NEB: variants seen among roughly 807,000 people sequenced by gnomAD.
NEB encodes nebulin, also known as nemaline myopathy type 2.
A neutral mutation model predicts 952.2 loss-of-function variants in NEB; 512 were observed. The ratio of observed to expected loss-of-function variants is 0.54; its 90% CI spans 0.50 to 0.58. The LOEUF is 0.58. Ranked by LOEUF, NEB falls within the 20% of genes least tolerant of loss-of-function variation. NEB has a pLI of 0.00. For synonymous variants in NEB, 2,900 were observed against 3,149.8 expected (o/e 0.92, Z 2.66); for missense variants, 8,428 against 9,231.1 (o/e 0.91, Z 3.56).
Position 151,494,265 on chromosome 2 carries a change from C to A in NEB, c.24487-12G>T, listed in dbSNP as rs534797175. Reference sequence around the variant, plus strand: ...TCTTTGTACAAAACCTATGGGAATCCAATGGGTCCAAAAAGCCAAAAAGAA... The same window carrying A: ...TCTTTGTACAAAACCTATGGGAATCAAATGGGTCCAAAAAGCCAAAAAGAA... On this transcript the variant is annotated splice_polypyrimidine_tract_variant and intron_variant, in intron 173 of 181. Transcript: ENST00000397345. The A allele has an allele frequency of 1.2e-4, 180 of 1,557,752 alleles. 1 individual carries two copies. The South Asian group carries it at 2.0e-3, about 17-fold the overall frequency.
At chr2:151,694,135 C>A (rs1229669292) in intron 20 of NEB, among the ~76,000 whole-genome samples, 188 bp downstream of exon 20, 1 of 152,186 alleles carries the variant, frequency 6.6e-6, no homozygotes, top group African/African-American at 2.4e-5. Flanking sequence ...TTGCAGTATT[C>A]ACTGGCATCA....
At chr2:151,567,936 C>T (rs757727157) in intron 113 of NEB, 135 bp downstream of exon 113, 19 of 640,702 alleles carry the variant, frequency 3.0e-5, no homozygotes, top group Non-Finnish European at 4.6e-5. Context: ...GTACTCCAAC[C>T]ATCACCAAGC....
rs2094866760 is a variant in NEB at position 151,547,549 on chromosome 2, T to C, written c.20263-16A>G. The C allele has an allele frequency of 5.0e-6, 8 of 1,589,714 alleles. No homozygotes were observed. Among genetic ancestry groups the C allele is most frequent in the African/African-American group, 2.7e-5 (2 of 74,366 alleles). On this transcript the variant is annotated splice_polypyrimidine_tract_variant and intron_variant, in intron 132 of 181. Transcript: ENST00000397345. ...TGTAGATCAACTAAAGAAAAAAAAATACCCCAAAACATATGTATTAGAGAC... is the reference window on the plus strand; with the variant it reads ...TGTAGATCAACTAAAGAAAAAAAAACACCCCAAAACATATGTATTAGAGAC...
chr2:151,567,452 G>C lies in NEB; in HGVS notation c.17872C>G (p.Gln5958Glu). 1 of 1,612,192 alleles carries C rather than the reference G, an allele frequency of 6.2e-7. No individual in the cohort carries two copies. Among genetic ancestry groups the C allele is most frequent in the Non-Finnish European group, 8.5e-7 (1 of 1,179,002 alleles). ...ELKYKAEHVK[Q>E]KGHYVGVPTM... is the part of the protein sequence containing the mutation. ...GGGACACCAACATAATGACCTTTTT[G>C]CTTCACATGTTCAGCTTTGTATTTC... Residue 5958 changes from glutamine to glutamate, a missense_variant, in exon 114 of 182, where the codon CAA becomes GAA. Transcript: ENST00000397345.
intron 143 of NEB, among the ~76,000 whole-genome samples, chr2:151,532,730 A>G (rs1207698058): frequency 7.9e-6 from 1 of 126,602 alleles, no homozygotes; most frequent in Non-Finnish European, 1.7e-5. Flanking sequence ...AGTTGCTAAG[A>G]GGAAAGCTCA....
chr2:151,487,038 C>T (rs1400905656), intron 181 of NEB, among the ~76,000 whole-genome samples: 4 of 151,684 alleles, frequency 2.6e-5, no homozygotes, highest in Non-Finnish European at 5.9e-5. Flanking sequence ...GTTATGTATG[C>T]ATGAAATTGT....
At chr2:151,702,324 G>GA (rs1159153457) in intron 13 of NEB, among the ~76,000 whole-genome samples, 1,939 of 152,148 alleles carry the variant, frequency 0.013, 45 homozygotes, top group African/African-American at 0.044. Context: ...GTGTGGTGCT[G>GA]AAAAAAATGT....
intron 71 of NEB, among the ~76,000 whole-genome samples, chr2:151,621,947 T>C (rs986061851): frequency 2.1e-4 from 32 of 152,202 alleles, no homozygotes; most frequent in African/African-American, 7.2e-4. Flanking sequence ...GTGGTTTGAT[T>C]ACAAAGTTTT....
chr2:151,688,529 C>T (rs2099520500), intron 24 of NEB, 133 bp from the exon 25 acceptor site: 6 of 693,612 alleles, frequency 8.7e-6, no homozygotes, highest in African/African-American at 1.8e-5. Context: ...GTCAAAGTCT[C>T]GCACAGGATT....
Position 151,690,747 on chromosome 2 carries a change from T to C in NEB, c.2290A>G (p.Asn764Asp). The C allele has an allele frequency of 6.3e-7, 1 of 1,592,548 alleles. No homozygotes were observed. The part of the protein sequence containing the change: ...DSPVLLQAQL[N>D]TKQLSDLNYK... ...CTTACATCACTAAGCTGTTTCGTGT[T>C]GAGCTGGGCTTGCAACAGTACAGGA... The change falls in exon 24 of 182, where the codon AAC becomes GAC. Residue 764 changes from asparagine (N) to aspartate (D), a missense_variant. Asn to Asp is a conservative substitution (Grantham distance 23, BLOSUM62 1). Coordinates refer to ENST00000397345, the MANE Select transcript of NEB (RefSeq NM_001164508.2).
chr2:151,573,857 GT>G (rs963969809), intron 107 of NEB, among the ~76,000 whole-genome samples: 9 of 150,054 alleles, frequency 6.0e-5, no homozygotes, highest in South Asian at 2.1e-4. Flanking sequence ...CTCACAAATA[GT>G]TTTTTTTTTC....
chr2:151,518,982 T>G lies in NEB; in HGVS notation c.22678A>C (p.Ser7560Arg). The G allele has an allele frequency of 6.2e-7, 1 of 1,612,934 alleles. No homozygotes were observed. Among genetic ancestry groups the G allele is most frequent in the Non-Finnish European group, 8.5e-7 (1 of 1,178,950 alleles). Residue 7560 changes from serine (S) to arginine (R), a missense_variant, in exon 155 of 182, where the codon AGC becomes CGC. This residue lies in a region of NEB where 3,374 missense variants were observed against 3,651.5 expected (regional missense o/e 0.92). Coordinates refer to ENST00000397345, the MANE Select transcript of NEB (RefSeq NM_001164508.2). ...GAGCTTACAGAACTGGCAAGTTGGC[T>G]TGTATTCAGGACATGATTCATGATC... Reference protein sequence around the residue: ...SLIMNHVLNTSQLASSYQYKK... With the variant: ...SLIMNHVLNTRQLASSYQYKK...
Position 151,497,670 on chromosome 2 carries a change from G to A in NEB, c.24256C>T (p.Pro8086Ser). The A allele has an allele frequency of 6.3e-7, 1 of 1,586,262 alleles. No individual in the cohort carries two copies. Among genetic ancestry groups the A allele is most frequent in the Non-Finnish European group, 8.6e-7 (1 of 1,164,048 alleles). The part of the protein sequence containing the change: ...MGKGTPLPVT[P>S]EMERVKHNQE... ...TTGTGTTTGACTCTTTCCATCTCGG[G>A]AGTGACAGGTAAAGGGGTTCCCTTG... Residue 8086 changes from proline to serine, a missense_variant, in exon 171 of 182, where the codon CCC becomes TCC. This residue lies in a region of NEB where 3,374 missense variants were observed against 3,651.5 expected (regional missense o/e 0.92). Coordinates refer to ENST00000397345, the MANE Select transcript of NEB (RefSeq NM_001164508.2).
intron 13 of NEB, among the ~76,000 whole-genome samples, chr2:151,702,461 T>C (rs2099677603): frequency 6.6e-6 from 1 of 152,120 alleles, no homozygotes; most frequent in African/African-American, 2.4e-5. Context: ...ATGTTGACAG[T>C]GGGGTGTTAA....
intron 146 of NEB, 76 bp from the exon 147 acceptor site, chr2:151,527,661 G>T: frequency 9.9e-7 from 1 of 1,009,150 alleles, no homozygotes; most frequent in Non-Finnish European, 1.5e-6. Context: ...GCACAGAGGG[G>T]CTCTTGCATT....
At chr2:151,679,660 G>GTGGCCCC in intron 32 of NEB, 61 bp downstream of exon 32, 1 of 682,636 alleles carries the variant, frequency 1.5e-6, no homozygotes. Context: ...GTCATCGTCA[G>GTGGCCCC]ACCCCAAGCC....
At chr2:151,554,712 A>ATATG (rs2095535497) in intron 125 of NEB, among the ~76,000 whole-genome samples, 2 of 152,178 alleles carry the variant, frequency 1.3e-5, no homozygotes, top group Non-Finnish European at 2.9e-5. Context: ...TACCTTTTCT[A>ATATG]TGTTTAGATA....
At chr2:151,556,025 A>G (rs561432979) in intron 124 of NEB, among the ~76,000 whole-genome samples, 36 of 152,344 alleles carry the variant, frequency 2.4e-4, no homozygotes, top group African/African-American at 8.7e-4. Context: ...TGACTCAAGG[A>G]AAAAGCCTCT....
chr2:151,701,296 T>C (rs2099665267), intron 13 of NEB, among the ~76,000 whole-genome samples: 2 of 151,886 alleles, frequency 1.3e-5, no homozygotes, highest in South Asian at 4.2e-4. Context: ...TTTGCATCAA[T>C]ATTCATCAAG....
Sources: allele counts gnomAD v4.1 joint callset (sites outside exome capture counted in the v4.1 genomes callset), GRCh38; gene constraint gnomAD v4.1.1; regional missense constraint gnomAD v4.1.1; transcripts MANE v1.5; gene names NCBI Gene and HGNC (gene_info 2026-07-23, HGNC 2026-07-21).